The following RPAP1 variants were observed in gnomAD, a reference collection of about 807,000 sequenced individuals.
RPAP1 encodes RNA polymerase II associated protein 1, also known as RNA polymerase II-associated protein 1.
RPAP1 carries 109 observed loss-of-function variants against 142.4 expected under a neutral mutation model. The ratio of observed to expected loss-of-function variants is 0.77; its 90% CI spans 0.66 to 0.90. The LOEUF (loss-of-function observed/expected upper bound fraction) is 0.90. Among genes scored for constraint, RPAP1 ranks in the 40% least tolerant of loss-of-function variants. The pLI is 0.00. For missense variants in RPAP1, 1,546 were observed against 1,751.7 expected, an observed-to-expected ratio of 0.88 and a Z score of 2.10; for synonymous variants, 704 against 738.9, an observed-to-expected ratio of 0.95 and a Z score of 0.77.
intron 20 of RPAP1, 25 bp from the exon 21 acceptor site, chr15:41,521,905 A>G (rs2051729759): frequency 6.2e-7 from 1 of 1,610,682 alleles, no homozygotes; most frequent in African/African-American, 1.3e-5. Context: ...GCAGGGAACT[A>G]CCTAGTACAG....
At position 41,520,547 on chromosome 15, in the gene RPAP1, G is replaced by T. The variant is rs766157805; in HGVS notation, c.3639C>A (p.Asn1213Lys). The change falls in exon 22 of 25, where the codon AAC becomes AAA. Residue 1213 changes from asparagine to lysine, a missense_variant. This residue lies in a region of RPAP1 where 210 missense variants were observed against 248.0 expected (regional missense o/e 0.85). Coordinates refer to ENST00000304330, the MANE Select transcript of RPAP1 (RefSeq NM_015540.4). ...AGACAGCCTCAAAATGATCCAGGAA[G>T]TTGGCATAGAGGTCAGGGAAAGACG... ...GLTSFPDLYANFLDHFEAVSF... is the reference protein window; with the variant it reads ...GLTSFPDLYAKFLDHFEAVSF... 2 of 1,614,100 alleles carry T rather than the reference G, an allele frequency of 1.2e-6. No homozygotes were observed. Among genetic ancestry groups the T allele is most frequent in the Non-Finnish European group, 1.7e-6 (2 of 1,180,052 alleles).
rs532494660 is a variant in RPAP1 at position 41,520,666 on chromosome 15, G to A, written c.3520C>T (p.Pro1174Ser). 1 of 1,614,176 alleles carries A rather than the reference G, an allele frequency of 6.2e-7. No individual in the cohort carries two copies. Among genetic ancestry groups the A allele is most frequent in the African/African-American group, 1.3e-5 (1 of 75,048 alleles). The change falls in exon 22 of 25, where the codon CCA (proline) becomes TCA (serine). Residue 1174 changes from proline (P) to serine (S), a missense_variant. Around this residue, in one of 3 missense-constraint regions of RPAP1, gnomAD observed 1,333 missense variants for 1,486.6 expected, o/e 0.90. Transcript: ENST00000304330. ...AGGGCTGCCACCAGATGCTGTACTG[G>A]GGACTCCCGGAACAGCTCACTGTCC... is the stretch of plus-strand genomic sequence containing the variant. Reference protein sequence around the residue: ...LVDSELFRESPVQHLVAALLA... With the variant: ...LVDSELFRESSVQHLVAALLA...
chr15:41,529,768 T>C, intron 8 of RPAP1, 96 bp downstream of exon 8: 1 of 939,096 alleles, frequency 1.1e-6, no homozygotes, highest in Non-Finnish European at 1.6e-6. Context: ...TCTCAGGCTC[T>C]GGGCAATAGA....
chr15:41,533,010 C>CATATGAGACCAGGTAGACCT (rs1566888622), intron 6 of RPAP1, among the ~76,000 whole-genome samples: 1 of 138,730 alleles, frequency 7.2e-6, no homozygotes, highest in Admixed American at 7.7e-5. Flanking sequence ...AAAAGCAGGG[C>CATATGAGACCAGGTAGACCT]ATATGAGACC....
intron 1 of RPAP1, among the ~76,000 whole-genome samples, chr15:41,542,025 T>C (rs1225670213): frequency 6.6e-6 from 1 of 152,086 alleles, no homozygotes; most frequent in East Asian, 1.9e-4. Flanking sequence ...AAGAACATTA[T>C]CAAAAAATTT....
rs1421294706 is a variant in RPAP1, at chr15:41,528,280, C to T, written c.1215G>A (p.Gln405=). 5 of 1,608,418 alleles carry T rather than the reference C, an allele frequency of 3.1e-6. No individual in the cohort carries two copies. Among genetic ancestry groups the T allele is most frequent in the Non-Finnish European group, 4.2e-6 (5 of 1,177,392 alleles). ...ACACATGCAGTGCCAGTGCTCTCTG[C>T]TGGGAAACCTGGCTGCGGGTCAGGT... ...LFHLTRSQVS[Q]QRALALHVLA... Residue 405 remains glutamine (Q), a synonymous_variant, in exon 10 of 25, where the codon CAG becomes CAA. Transcript: ENST00000304330.
Position 41,537,495 on chromosome 15 carries a change from G to C in RPAP1, c.-76-294C>G, listed in dbSNP as rs544619640. On this transcript the variant is annotated intron_variant, in intron 1 of 24. Coordinates refer to ENST00000304330, the MANE Select transcript of RPAP1 (RefSeq NM_015540.4). Reference sequence around the variant, plus strand: ...GAGCAGATAAATGTTGTCATAATGGGGGGGTGATGATTCTGTATCAAACTG... The same window carrying C: ...GAGCAGATAAATGTTGTCATAATGGCGGGGTGATGATTCTGTATCAAACTG... Among the ~76,000 whole-genome samples, 3 of 152,286 alleles carry C rather than the reference G, an allele frequency of 2.0e-5. No homozygotes were observed. In the East Asian group the frequency reaches 5.8e-4, roughly 29 times the overall value.
At chr15:41,535,481 C>G in intron 5 of RPAP1, 31 bp downstream of exon 5, 1 of 1,573,100 alleles carries the variant, frequency 6.4e-7, no homozygotes, top group Non-Finnish European at 8.6e-7. Flanking sequence ...TTTAAAAAGG[C>G]CAAGCCCAAT....
chr15:41,524,350 A>G (rs1172781187), intron 15 of RPAP1, 96 bp from the exon 16 acceptor site: 14 of 1,113,558 alleles, frequency 1.3e-5, no homozygotes, highest in Non-Finnish European at 1.7e-5. Flanking sequence ...CAGTTTGATA[A>G]AGGAGGATGA....
intron 15 of RPAP1, 38 bp downstream of exon 15, chr15:41,524,953 A>C (rs2041099656): frequency 6.2e-7 from 1 of 1,604,138 alleles, no homozygotes; most frequent in South Asian, 1.1e-5. Flanking sequence ...GCAGAACTGA[A>C]GGTGTCTAGG....
chr15:41,541,073 C>T (rs1037198256), intron 1 of RPAP1, among the ~76,000 whole-genome samples: 1 of 145,956 alleles, frequency 6.9e-6, no homozygotes, highest in Non-Finnish European at 1.5e-5. Context: ...CTGAACCAGA[C>T]CTTGAAGGAT....
intron 6 of RPAP1, 150 bp from the exon 7 acceptor site, chr15:41,531,352 T>A (rs1595485844): frequency 2.7e-6 from 2 of 744,236 alleles, no homozygotes; most frequent in East Asian, 5.2e-5. Flanking sequence ...TGGGTGCTCC[T>A]GTGGCCCATC....
chr15:41,530,880 C>T lies in RPAP1; in HGVS notation c.943+143G>A, dbSNP rs1338211131. Reference sequence around the variant, plus strand: ...AGAAGACATGCATCAGCAATGAAGACTGACTTGAAGCCAATAATGAGGATT... The same window carrying T: ...AGAAGACATGCATCAGCAATGAAGATTGACTTGAAGCCAATAATGAGGATT... On this transcript the variant is annotated intron_variant, in intron 7 of 24. Coordinates refer to ENST00000304330, the MANE Select transcript of RPAP1 (RefSeq NM_015540.4). 7 of 782,580 alleles carry T rather than the reference C, an allele frequency of 8.9e-6. No individual in the cohort carries two copies. In the South Asian group the frequency reaches 1.0e-4, roughly 11 times the overall value. 48.5% of individuals were successfully genotyped at this position (782,580 alleles called of 1,614,324 possible). A position where few individuals can be genotyped will look rare whatever the true frequency, so the allele number is the denominator to read the frequency against.
At chr15:41,523,679 T>G in intron 17 of RPAP1, 92 bp downstream of exon 17, 1 of 1,054,768 alleles carries the variant, frequency 9.5e-7, no homozygotes, top group Non-Finnish European at 1.4e-6. Flanking sequence ...GAAGTAGGAG[T>G]GGAGAGATGG....
rs1595483442 is a variant in RPAP1, at chr15:41,526,814, A to T, written c.1917+84T>A. The stretch of plus-strand genomic sequence containing the variant: ...AGGAAGAAGATGGCAAGAGCTGGCC[A>T]CCCAGAGTTCAGGAGCCATGTTTAG... On this transcript the variant is annotated intron_variant, in intron 14 of 24. Coordinates refer to ENST00000304330, the MANE Select transcript of RPAP1 (RefSeq NM_015540.4). 1.4e-5 allele frequency: 19 copies of T among 1,377,740 alleles called. No individual in the cohort carries two copies. In the South Asian group the frequency reaches 2.8e-4, roughly 20 times the overall value. The allele number at this position is 1,377,740 out of a possible 1,614,324, so 85.3% of individuals were successfully genotyped here.
rs2051842274 is a variant in RPAP1, at chr15:41,531,102, A to G, written c.864T>C (p.Asn288=). 6.2e-7 allele frequency: 1 copy of G among 1,613,884 alleles called. No homozygotes were observed. Among genetic ancestry groups the G allele is most frequent in the South Asian group, 1.1e-5 (1 of 91,078 alleles). Residue 288 remains asparagine (N), a synonymous_variant, in exon 7 of 25, where the codon AAT becomes AAC. Transcript: ENST00000304330. ...ACATGAGGGGTTCCTCCTTGGTGAC[A>G]TTAGCAGAGGGTCCTCCTGGCCTCT... ...EEQRPGGPSA[N]VTKEEPLMSA... is the part of the protein sequence containing the mutation.
At position 41,522,818 on chromosome 15, in the gene RPAP1, G is replaced by A. The variant is rs747007295; in HGVS notation, c.2689C>T (p.Leu897Phe). ...SASPFPFLTA[L>F]LSLLNTLAQI... Reference sequence around the variant, plus strand: ...GCCAGGGTATTAAGAAGAGAGAGGAGGGCAGTGAGGAATGGGAAGGGTGAG... The same window carrying A: ...GCCAGGGTATTAAGAAGAGAGAGGAAGGCAGTGAGGAATGGGAAGGGTGAG... Residue 897 changes from leucine (L) to phenylalanine (F), a missense_variant, in exon 19 of 25, where the codon CTC (leucine) becomes TTC (phenylalanine). Around this residue, in one of 3 missense-constraint regions of RPAP1, gnomAD observed 1,333 missense variants for 1,486.6 expected, o/e 0.90. Transcript: ENST00000304330. 4 of 1,585,972 alleles carry A rather than the reference G, an allele frequency of 2.5e-6. No individual in the cohort carries two copies. The highest frequency in any genetic ancestry group is 3.8e-5 in the Admixed American group (2 of 52,484).
chr15:41,543,201 CTTTTTTTTTTTTTT>C (rs71104794), intron 1 of RPAP1, among the ~76,000 whole-genome samples: 1 of 78,936 alleles, frequency 1.3e-5, no homozygotes, highest in East Asian at 4.4e-4. Context: ...CAATGCTGTC[CTTTTTTTTTTTTTT>C]TTTTTTTTTT....
In RPAP1 at chr15:41,521,760, C is replaced by T; in HGVS notation, c.3016G>A (p.Val1006Ile). The T allele has an allele frequency of 6.2e-7, 1 of 1,614,174 alleles. No individual in the cohort carries two copies. The highest frequency in any genetic ancestry group is 1.1e-5 in the South Asian group (1 of 91,076). The part of the protein sequence containing the change: ...YLTHELLLSC[V>I]FRLEFLPERT... ...TACGGGAGGAACTCCAGCCGGAATA[C>T]ACAGCTCAGCAGCAGCTCATGGGTG... Residue 1006 changes from valine (V) to isoleucine (I), a missense_variant, in exon 21 of 25, where the codon GTA becomes ATA. Val to Ile is a conservative substitution (Grantham distance 29). Coordinates refer to ENST00000304330, the MANE Select transcript of RPAP1 (RefSeq NM_015540.4).
Sources: gnomAD v4.1 joint callset for allele counts (sites outside exome capture counted in the v4.1 genomes callset) on GRCh38, gnomAD v4.1.1 for gene constraint, gnomAD v4.1.1 regional missense constraint, MANE v1.5 for transcripts, NCBI Gene and HGNC (gene_info 2026-07-23, HGNC 2026-07-21) for gene names.